COA1: variants seen among roughly 807,000 people sequenced by gnomAD.
COA1 encodes the protein cytochrome c oxidase assembly factor 1 homolog.
In COA1, 13 loss-of-function variants were observed where a neutral mutation model predicts 16.0. The observed-to-expected ratio is 0.81, with a 90% confidence interval of 0.53 to 1.29. COA1 has a LOEUF of 1.29. Ranked by LOEUF, COA1 falls within the 50% of genes most tolerant of loss-of-function variation. The pLI is 0.00. For synonymous variants in COA1, 65 were observed against 65.7 expected (o/e 0.99, Z 0.05); for missense variants, 179 against 177.0 (o/e 1.01, Z -0.06).
chr7:43,680,544 T>G (rs918355068), intron 1 of COA1, among the ~76,000 whole-genome samples: 2 of 152,354 alleles, frequency 1.3e-5, no homozygotes, highest in Admixed American at 6.5e-5. Flanking sequence ...CTATGTGTTT[T>G]TAAATCTATG....
At chr7:43,637,251 T>TCC (rs2086045299), downstream of COA1, among the ~76,000 whole-genome samples, 1 of 152,054 alleles carries the variant, frequency 6.6e-6, no homozygotes, top group Non-Finnish European at 1.5e-5. Context: ...TAATACTCTC[T>TCC]ACAACCCCTG....
intron 1 of COA1, among the ~76,000 whole-genome samples, chr7:43,720,782 T>C (rs2095491584): frequency 6.6e-6 from 1 of 152,220 alleles, no homozygotes; most frequent in South Asian, 2.1e-4. Context: ...AGACATTAAG[T>C]TGCTGGAAGT....
At chr7:43,714,173 G>A (rs896101064) in intron 1 of COA1, among the ~76,000 whole-genome samples, 6 of 150,900 alleles carry the variant, frequency 4.0e-5, no homozygotes, top group East Asian at 2.0e-4. Context: ...GGGTGACAGA[G>A]CAAAACCATG....
At chr7:43,657,194 T>C (rs1030398241) in intron 1 of COA1, 1 of 152,238 alleles carries the variant, frequency 6.6e-6, no homozygotes, top group Admixed American at 6.5e-5. Context: ...CATAAAGCTT[T>C]GTGGGACTGA....
chr7:43,614,261 A>G (rs2083145160), intron 6 of COA1, among the ~76,000 whole-genome samples: 1 of 152,172 alleles, frequency 6.6e-6, no homozygotes, highest in African/African-American at 2.4e-5. Context: ...GCCACCATCT[A>G]TTTACGGACC....
At chr7:43,620,873 C>T (rs544559564) in intron 6 of COA1, among the ~76,000 whole-genome samples, 16 of 152,088 alleles carry the variant, frequency 1.1e-4, no homozygotes, top group East Asian at 5.8e-4. Flanking sequence ...AAGAGGAGGG[C>T]GGCCGTGGCA....
chr7:43,694,858 C>T (rs56014017), intron 1 of COA1, among the ~76,000 whole-genome samples: 12,994 of 152,212 alleles, frequency 0.085, 658 homozygotes, highest in East Asian at 0.18. Context: ...TGAGCAGGCA[C>T]CTGGAACTTG....
chr7:43,630,043 C>T (rs1345325619), intron 6 of COA1, among the ~76,000 whole-genome samples: 1 of 152,140 alleles, frequency 6.6e-6, no homozygotes, highest in East Asian at 1.9e-4. Flanking sequence ...TTAGAACAGC[C>T]ACACCTGTGT....
chr7:43,611,674 A>T (rs1158595437), intron 6 of COA1, among the ~76,000 whole-genome samples: 1 of 152,166 alleles, frequency 6.6e-6, no homozygotes, highest in East Asian at 1.9e-4. Flanking sequence ...CTGGGCTAAT[A>T]CTTTAAGTAT....
chr7:43,612,551 T>A (rs10250888), intron 6 of COA1, among the ~76,000 whole-genome samples: 2,677 of 152,342 alleles, frequency 0.018, 48 homozygotes, highest in Non-Finnish European at 0.026. Context: ...AAACTGATAA[T>A]CCCAATATGT....
intron 6 of COA1, among the ~76,000 whole-genome samples, chr7:43,610,353 A>C (rs2082747847): frequency 6.8e-6 from 1 of 147,188 alleles, no homozygotes; most frequent in African/African-American, 2.6e-5. Context: ...TCTCAAAAAA[A>C]AAAAAAAAAA....
At chr7:43,710,394 A>ATATATATATT (rs1417053077) in intron 1 of COA1, among the ~76,000 whole-genome samples, 2 of 135,384 alleles carry the variant, frequency 1.5e-5, no homozygotes, top group African/African-American at 5.4e-5. Context: ...ATATATATAT[A>ATATATATATT]TTTTTAAGAT....
At chr7:43,702,364 T>C (rs1435708955) in intron 1 of COA1, among the ~76,000 whole-genome samples, 1 of 152,210 alleles carries the variant, frequency 6.6e-6, no homozygotes, top group Non-Finnish European at 1.5e-5. Flanking sequence ...CTTTTCCCCA[T>C]TGCTTACTGT....
At chr7:43,615,801 G>A (rs1000556924) in intron 6 of COA1, among the ~76,000 whole-genome samples, 19 of 152,078 alleles carry the variant, frequency 1.2e-4, no homozygotes, top group African/African-American at 3.9e-4. Context: ...CCCTCTGCCT[G>A]GAATGCTTCC....
chr7:43,688,556 G>A (rs1227169272), intron 1 of COA1, among the ~76,000 whole-genome samples: 1 of 152,108 alleles, frequency 6.6e-6, no homozygotes, highest in East Asian at 1.9e-4. Flanking sequence ...AGGTTCAGCT[G>A]CATGCAGCCA....
In COA1 at chr7:43,648,682, T is replaced by C; in HGVS notation, c.-38-30A>G. ...AATTAGAAAAGATTTTACATTAAAA[T>C]CATATTTTTAAAGCCCAGTTCTCTC... On this transcript the variant is annotated intron_variant, in intron 1 of 5. Coordinates refer to ENST00000223336, the MANE Select transcript of COA1 (RefSeq NM_018224.4). The C allele has an allele frequency of 3.8e-6, 6 of 1,561,702 alleles. No homozygotes were observed. In the South Asian group the frequency reaches 5.6e-5, roughly 15 times the overall value.
At chr7:43,614,725 C>T (rs1203798678) in intron 6 of COA1, among the ~76,000 whole-genome samples, 1 of 152,186 alleles carries the variant, frequency 6.6e-6, no homozygotes, top group Non-Finnish European at 1.5e-5. Flanking sequence ...AGTTGTTTAA[C>T]TTCATTTTTA....
chr7:43,691,313 GAA>G lies in COA1; in HGVS notation c.-39+38114_-39+38115del, dbSNP rs1309580635. Among the ~76,000 whole-genome samples the G allele has an allele frequency of 8.8e-4, 88 of 99,784 alleles. 2 individuals carry two copies. The highest frequency in any genetic ancestry group is 9.5e-3 in the Middle Eastern group (2 of 210). 65.5% of individuals were successfully genotyped at this position (99,784 alleles called of 152,430 possible). On this transcript the variant is annotated intron_variant, in intron 1 of 5. Transcript: ENST00000223336. ...AGAAAGAAAGAAAGAAAGAAAGAAA[GAA>G]AGAAAGAAAGAAAGAGAAAGAGAGA...
chr7:43,639,563 T>C lies in COA1; in HGVS notation c.*19A>G. ...AGGGAAGGATGGACTAGAAGCAAGC[T>C]GGGTCTTCTGGGTCGTCTCTACTCC... On this transcript the variant is annotated 3_prime_UTR_variant, in exon 6 of 6. Coordinates refer to ENST00000223336, the MANE Select transcript of COA1 (RefSeq NM_018224.4). 1 of 1,600,834 alleles carries C rather than the reference T, an allele frequency of 6.2e-7. No homozygotes were observed. Among genetic ancestry groups the C allele is most frequent in the Non-Finnish European group, 8.6e-7 (1 of 1,168,190 alleles).
Sources: allele counts gnomAD v4.1 joint callset (sites outside exome capture counted in the v4.1 genomes callset), GRCh38; gene constraint gnomAD v4.1.1; transcripts MANE v1.5; gene names NCBI Gene and HGNC (gene_info 2026-07-23, HGNC 2026-07-21).